Variants in GMDS observed in about 807,000 individuals in gnomAD.
GMDS encodes GDP-mannose 4,6 dehydratase.
Under a neutral mutation model 49.9 loss-of-function variants are expected in GMDS, and 20 were observed. The observed-to-expected ratio is 0.40, with a 90% CI of 0.28 to 0.58. GMDS has a LOEUF of 0.58. Among genes scored for constraint, GMDS ranks in the 20% least tolerant of loss-of-function variants. The probability of loss-of-function intolerance (pLI) is 0.42; values close to 1 mark genes in which losing one functional copy is unlikely to be tolerated. For synonymous variants in GMDS, 177 were observed against 178.6 expected, an observed-to-expected ratio of 0.99 and a Z score of 0.07; for missense variants, 362 against 481.4, an observed-to-expected ratio of 0.75 and a Z score of 2.32.
rs551085332 is a variant in GMDS, at chr6:1,706,545, A to G, written c.987+19871T>C. Among the ~76,000 whole-genome samples, 58 of 152,376 alleles carry G rather than the reference A, an allele frequency of 3.8e-4. 1 individual carries two copies. The highest frequency in any genetic ancestry group is 2.2e-3 in the Admixed American group (33 of 15,308). ...TTTTCTTTTTGTTGTAAAGTCACAC[A>G]TGTTCGCTAATGAACATTTGGAAAA... On this transcript the variant is annotated intron_variant, in intron 9 of 10. Transcript: ENST00000380815.
At chr6:2,023,618 G>T (rs553679266) in intron 4 of GMDS, among the ~76,000 whole-genome samples, 1 of 152,290 alleles carries the variant, frequency 6.6e-6, no homozygotes, top group South Asian at 2.1e-4. Context: ...GTTCAAAGAG[G>T]TACAAGAAGG....
intron 7 of GMDS, among the ~76,000 whole-genome samples, chr6:1,785,512 T>C (rs1433958712): frequency 2.0e-5 from 3 of 152,098 alleles, no homozygotes; most frequent in Non-Finnish European, 1.5e-5. Flanking sequence ...TGTCTGGAGG[T>C]CAGTGCTGAC....
rs185225453 is a variant in GMDS, at chr6:2,056,281, A to C, written c.345+59490T>G. Among the ~76,000 whole-genome samples, 33 of 152,366 alleles carry C rather than the reference A, an allele frequency of 2.2e-4. No homozygotes were observed. In the East Asian group the frequency reaches 6.4e-3, roughly 29 times the overall value. Reference sequence around the variant, plus strand: ...TGAAGAAATTGAGGTCCACAAAGTTAAGTAAGTCCCTAAATTACAAAGGTG... The same window carrying C: ...TGAAGAAATTGAGGTCCACAAAGTTCAGTAAGTCCCTAAATTACAAAGGTG... On this transcript the variant is annotated intron_variant, in intron 4 of 10. Coordinates refer to ENST00000380815, the MANE Select transcript of GMDS (RefSeq NM_001500.4).
intron 9 of GMDS, among the ~76,000 whole-genome samples, chr6:1,712,122 T>C (rs566374679): frequency 1.8e-4 from 28 of 152,338 alleles, no homozygotes; most frequent in African/African-American, 6.5e-4. Context: ...ATAGAAGGTA[T>C]AGAAGATGCT....
intron 2 of GMDS, 64 bp from the exon 3 acceptor site, chr6:2,117,620 A>C (rs763629342): frequency 1.2e-6 from 1 of 826,840 alleles, no homozygotes; most frequent in South Asian, 1.4e-5. Context: ...TTCTTTAGCT[A>C]ATGTTTAGCT....
At chr6:1,796,046 C>T (rs897563452) in intron 7 of GMDS, among the ~76,000 whole-genome samples, 10 of 152,052 alleles carry the variant, frequency 6.6e-5, no homozygotes, top group Non-Finnish European at 1.0e-4. Context: ...GTGGCTTCAG[C>T]GGAAAGAGTT....
At chr6:1,846,045 T>C (rs1245440809) in intron 7 of GMDS, among the ~76,000 whole-genome samples, 2 of 151,316 alleles carry the variant, frequency 1.3e-5, no homozygotes, top group African/African-American at 2.4e-5. Context: ...TAATATTAGA[T>C]GGGGAGTCAA....
At chr6:2,079,395 G>A (rs576014848) in intron 4 of GMDS, among the ~76,000 whole-genome samples, 2 of 151,768 alleles carry the variant, frequency 1.3e-5, no homozygotes, top group Admixed American at 1.3e-4. Context: ...GTGGTTTTCC[G>A]TACAGGTACC....
At chr6:2,027,265 G>T (rs939950098) in intron 4 of GMDS, among the ~76,000 whole-genome samples, 2 of 152,332 alleles carry the variant, frequency 1.3e-5, no homozygotes, top group Non-Finnish European at 2.9e-5. Flanking sequence ...CATTCTCTGT[G>T]TGAGACTGGC....
intron 4 of GMDS, among the ~76,000 whole-genome samples, chr6:2,112,158 T>G (rs1774584300): frequency 6.6e-6 from 1 of 152,218 alleles, no homozygotes; most frequent in Admixed American, 6.5e-5. Context: ...TGAGAAGTAT[T>G]TATTATCTCA....
chr6:1,707,631 C>T (rs9501761), intron 9 of GMDS, among the ~76,000 whole-genome samples: 9,163 of 52,528 alleles, frequency 0.17, 1 homozygote, highest in East Asian at 0.41. Flanking sequence ...TGGCCCACCA[C>T]ACACAGGCCT....
chr6:1,861,004 C>A (rs1285356431), intron 7 of GMDS, among the ~76,000 whole-genome samples: 2 of 152,176 alleles, frequency 1.3e-5, no homozygotes, highest in Admixed American at 6.5e-5. Flanking sequence ...ACTGTTAGGG[C>A]AATGAAATAT....
intron 7 of GMDS, among the ~76,000 whole-genome samples, chr6:1,853,073 A>G (rs1757763910): frequency 6.6e-6 from 1 of 152,078 alleles, no homozygotes; most frequent in Non-Finnish European, 1.5e-5. Flanking sequence ...AGAAAGGGGA[A>G]AGGGGAAATG....
At chr6:2,204,488 T>C (rs1779697741) in intron 1 of GMDS, among the ~76,000 whole-genome samples, 1 of 152,216 alleles carries the variant, frequency 6.6e-6, no homozygotes, top group South Asian at 2.1e-4. Context: ...TGATACGAAG[T>C]CCCTGCATTT....
At chr6:1,648,674 C>T (rs1763559302) in intron 9 of GMDS, among the ~76,000 whole-genome samples, 2 of 152,232 alleles carry the variant, frequency 1.3e-5, no homozygotes, top group Admixed American at 1.3e-4. Flanking sequence ...TTTCATAATA[C>T]TTTAATCATA....
chr6:1,629,527 T>G (rs568991838), intron 9 of GMDS, among the ~76,000 whole-genome samples: 1 of 152,210 alleles, frequency 6.6e-6, no homozygotes, highest in South Asian at 2.1e-4. Flanking sequence ...GTGCAGGCAG[T>G]GGAGAGGAAG....
intron 7 of GMDS, among the ~76,000 whole-genome samples, chr6:1,755,289 A>G (rs1016111687): frequency 6.6e-6 from 1 of 152,216 alleles, no homozygotes; most frequent in Non-Finnish European, 1.5e-5. Flanking sequence ...TGCTACAAAG[A>G]GAATAAAATA....
chr6:1,965,091 A>G (rs981883607), intron 4 of GMDS, among the ~76,000 whole-genome samples: 2 of 148,896 alleles, frequency 1.3e-5, no homozygotes, highest in African/African-American at 5.0e-5. Context: ...TCTTTGGGTT[A>G]GTTCCAGGTC....
intron 4 of GMDS, among the ~76,000 whole-genome samples, chr6:2,074,448 G>A (rs62392571): frequency 1.9e-3 from 292 of 151,950 alleles, no homozygotes; most frequent in African/African-American, 6.4e-3. Context: ...ATTTTTTTCC[G>A]CTCAATAGGT....
Sources: gnomAD v4.1 joint callset for allele counts (sites outside exome capture counted in the v4.1 genomes callset) on GRCh38, gnomAD v4.1.1 for gene constraint, MANE v1.5 for transcripts, NCBI Gene and HGNC (gene_info 2026-07-23, HGNC 2026-07-21) for gene names.